The following NHSL1 variants were observed in gnomAD, a reference collection of about 807,000 sequenced individuals.
NHSL1 encodes the protein NHS-like protein 1.
A neutral mutation model predicts 95.0 loss-of-function variants in NHSL1; 48 were observed. The ratio of observed to expected loss-of-function variants is 0.51; its 90% confidence interval spans 0.40 to 0.64. NHSL1 has a LOEUF of 0.64. NHSL1 is among the 30% of genes least tolerant of loss of function. The probability of loss-of-function intolerance (pLI) is 0.00; values close to 1 mark genes in which losing one functional copy is unlikely to be tolerated. For synonymous variants in NHSL1, 783 were observed against 833.9 expected, an observed-to-expected ratio of 0.94 and a Z score of 1.05; for missense variants, 1,971 against 2,077.7, an observed-to-expected ratio of 0.95 and a Z score of 1.00.
rs41289795 is a variant in NHSL1 at position 138,424,041 on chromosome 6, G to A, written c.*40C>T. ...GGCTTCCTAGAGTGCTGCATTGCTC[G>A]TCTCCCCCCGTGTCACCTGGGAGAG... On this transcript the variant is annotated 3_prime_UTR_variant, in exon 8 of 8. Coordinates refer to ENST00000343505, the MANE Select transcript of NHSL1 (RefSeq NM_001144060.2). This position sits in a 1 kb window ranked among gnomAD's most constrained non-coding sequence, Gnocchi z 5.9. 0.11 allele frequency: 149,060 copies of A among 1,342,300 alleles called. 12,241 individuals carry two copies. Among genetic ancestry groups the A allele is most frequent in the African/African-American group, 0.42 (28,199 of 67,894 alleles). 83.1% of individuals were successfully genotyped at this position (1,342,300 alleles called of 1,614,324 possible).
intron 1 of NHSL1, among the ~76,000 whole-genome samples, chr6:138,600,506 C>A (rs1314479868): frequency 6.6e-6 from 1 of 152,208 alleles, no homozygotes; most frequent in South Asian, 2.1e-4. Context: ...AACATTCTTT[C>A]CAAATGCTTT....
chr6:138,519,221 A>G (rs1034988062), intron 1 of NHSL1, among the ~76,000 whole-genome samples: 1 of 152,072 alleles, frequency 6.6e-6, no homozygotes, highest in Admixed American at 6.5e-5. Context: ...AACAACTTCA[A>G]TAGTATTTTT....
chr6:138,602,391 G>A (rs35049899), intron 1 of NHSL1, among the ~76,000 whole-genome samples: 6,160 of 152,222 alleles, frequency 0.04, 171 homozygotes, highest in Middle Eastern at 0.085. Flanking sequence ...CTTCAGGCTG[G>A]AGTGTAGTGG....
At chr6:138,560,998 G>A (rs1399062107) in intron 1 of NHSL1, among the ~76,000 whole-genome samples, 2 of 152,194 alleles carry the variant, frequency 1.3e-5, no homozygotes, top group East Asian at 1.9e-4. Flanking sequence ...TCAACTGCTT[G>A]TGGCTTTTAT....
At chr6:138,595,691 TG>T in intron 1 of NHSL1, among the ~76,000 whole-genome samples, 1 of 152,350 alleles carries the variant, frequency 6.6e-6, no homozygotes, top group South Asian at 2.1e-4. Context: ...TTTCCTTTCT[TG>T]AATTTTTTTA....
chr6:138,454,525 G>C (rs754496659), intron 3 of NHSL1, among the ~76,000 whole-genome samples: 1 of 151,028 alleles, frequency 6.6e-6, no homozygotes, highest in Non-Finnish European at 1.5e-5. Context: ...ATGAGCTCTA[G>C]AGTCGTAAGT....
intron 1 of NHSL1, among the ~76,000 whole-genome samples, chr6:138,524,792 T>C (rs1438806939): frequency 6.6e-6 from 1 of 151,906 alleles, no homozygotes; most frequent in East Asian, 1.9e-4. Context: ...ACTAGTAGAG[T>C]GATTTAAAGG....
chr6:138,480,361 A>T (rs1014675054), intron 2 of NHSL1, among the ~76,000 whole-genome samples: 1 of 152,190 alleles, frequency 6.6e-6, no homozygotes, highest in Non-Finnish European at 1.5e-5. Context: ...CAGGACCCAG[A>T]ATGTATGGAG....
At chr6:138,557,003 G>T (rs1783216756) in intron 1 of NHSL1, among the ~76,000 whole-genome samples, 1 of 152,116 alleles carries the variant, frequency 6.6e-6, no homozygotes, top group African/African-American at 2.4e-5. Context: ...TGAAATCAAG[G>T]TTTAAAAGCA....
chr6:138,606,762 G>A (rs1006300344), intron 1 of NHSL1, among the ~76,000 whole-genome samples: 1 of 146,876 alleles, frequency 6.8e-6, no homozygotes, highest in African/African-American at 2.5e-5. Flanking sequence ...GAGTGCAGTG[G>A]CGCAATCTCA....
chr6:138,431,940 G>A lies in NHSL1; in HGVS notation c.2405C>T (p.Thr802Ile). ...GTTCCCAGTGGGCACCCCACTGCTG[G>A]TTGAACAGCCCCCTGCCGGGTTCCC... ...DPGNPAGGCSTSSGVPTGNGP... is the reference protein window; with the variant it reads ...DPGNPAGGCSISSGVPTGNGP... The change falls in exon 6 of 8, where the codon ACC becomes ATC. Residue 802 changes from threonine to isoleucine, a missense_variant. By Grantham distance (89) the Thr-to-Ile change is moderately conservative. Coordinates refer to ENST00000343505, the MANE Select transcript of NHSL1 (RefSeq NM_001144060.2). The surrounding 1 kb of genome is among the most constrained non-coding windows in gnomAD (Gnocchi z 4.0). 6.4e-7 allele frequency: 1 copy of A among 1,551,736 alleles called. No homozygotes were observed. Among genetic ancestry groups the A allele is most frequent in the Non-Finnish European group, 8.7e-7 (1 of 1,146,992 alleles).
intron 2 of NHSL1, among the ~76,000 whole-genome samples, chr6:138,480,814 G>A (rs571692139): frequency 5.3e-5 from 8 of 152,266 alleles, no homozygotes; most frequent in Non-Finnish European, 7.4e-5. Flanking sequence ...TTTTTCGGAT[G>A]ACTGATTTTT....
intron 1 of NHSL1, among the ~76,000 whole-genome samples, chr6:138,619,926 C>T (rs1278704621): frequency 2.6e-5 from 3 of 116,596 alleles, no homozygotes; most frequent in Non-Finnish European, 4.9e-5. Context: ...CCAGCTTGGG[C>T]AACAGAGCGA....
At chr6:138,479,083 C>T (rs1340657841) in intron 2 of NHSL1, among the ~76,000 whole-genome samples, 3 of 152,136 alleles carry the variant, frequency 2.0e-5, no homozygotes, top group Non-Finnish European at 2.9e-5. Flanking sequence ...TTCCAAGACC[C>T]CTGGTGGATG....
chr6:138,623,067 C>T (rs1377052874), intron 1 of NHSL1, among the ~76,000 whole-genome samples: 1 of 152,218 alleles, frequency 6.6e-6, no homozygotes, highest in Non-Finnish European at 1.5e-5. Context: ...GAAAAAAGGG[C>T]AGCAAGTGAT....
At chr6:138,604,503 C>A (rs1373379170) in intron 1 of NHSL1, among the ~76,000 whole-genome samples, 3 of 152,206 alleles carry the variant, frequency 2.0e-5, no homozygotes, top group African/African-American at 4.8e-5. Flanking sequence ...TAACCTCTTA[C>A]AATAAGGCAC....
rs145271694 is a variant in NHSL1 at position 138,561,019 on chromosome 6, G to A, written c.202+10691C>T. On this transcript the variant is annotated intron_variant, in intron 1 of 6. Transcript: ENST00000427025. ...GCTTGTGGCTTTTATTAATACTTGCGAGTTTTCCTTCGAGAAAGCCAAACA... is the reference window on the plus strand; with the variant it reads ...GCTTGTGGCTTTTATTAATACTTGCAAGTTTTCCTTCGAGAAAGCCAAACA... Among the ~76,000 whole-genome samples the A allele has an allele frequency of 1.7e-4, 26 of 152,162 alleles. 1 individual carries two copies. The South Asian group carries it at 5.0e-3, about 29-fold the overall frequency.
chr6:138,445,890 C>T (rs557253906), intron 4 of NHSL1, among the ~76,000 whole-genome samples: 1 of 152,178 alleles, frequency 6.6e-6, no homozygotes, highest in African/African-American at 2.4e-5. Flanking sequence ...CACTATTAGT[C>T]ATCTGCTTCC....
At chr6:138,443,184 C>T (rs1776642602) in intron 4 of NHSL1, among the ~76,000 whole-genome samples, 1 of 152,068 alleles carries the variant, frequency 6.6e-6, no homozygotes, top group South Asian at 2.1e-4. Context: ...GACAATGTAA[C>T]TTCTATTTTG....
Sources: gnomAD v4.1 joint callset for allele counts (sites outside exome capture counted in the v4.1 genomes callset) on GRCh38, gnomAD v4.1.1 for gene constraint, Gnocchi (gnomAD v3.1) non-coding constraint, MANE v1.5 for transcripts, NCBI Gene and HGNC (gene_info 2026-07-23, HGNC 2026-07-21) for gene names.